Variants in CASK observed in about 807,000 individuals in gnomAD.
CASK encodes the protein peripheral plasma membrane protein CASK.
CASK carries 4 observed loss-of-function variants against 82.9 expected under a neutral mutation model. The ratio of observed to expected loss-of-function variants is 0.05; its 90% CI spans 0.02 to 0.11. The LOEUF (loss-of-function observed/expected upper bound fraction) is 0.11, where lower values mean the gene tolerates loss of function less well. Ranked by LOEUF, CASK falls within the 10% of genes least tolerant of loss-of-function variation. CASK has a pLI of 1.00. For missense variants in CASK, 358 were observed against 720.9 expected (o/e 0.50, Z 5.76); for synonymous variants, 259 against 253.5 (o/e 1.02, Z -0.20).
At chrX:41,902,221 T>C (rs2072396266) in intron 1 of CASK, among the ~76,000 whole-genome samples, 1 of 112,267 alleles carries the variant, frequency 8.9e-6, no homozygotes, top group Non-Finnish European at 1.9e-5. Context: ...CATAATTTCC[T>C]ACTACTGTTG....
chrX:41,654,600 G>A (rs1274808831), intron 8 of CASK, among the ~76,000 whole-genome samples: 1 of 111,421 alleles, frequency 9.0e-6, no homozygotes, highest in Non-Finnish European at 1.9e-5. Context: ...TTGAACCTGG[G>A]AGGCGGAGGT....
intron 2 of CASK, among the ~76,000 whole-genome samples, chrX:41,803,294 A>G (rs1449326612): frequency 8.9e-6 from 1 of 111,841 alleles, no homozygotes; most frequent in East Asian, 2.8e-4. Flanking sequence ...AATACATAAA[A>G]TAACAAGCAA....
At chrX:41,650,377 C>T (rs1380685392) in intron 8 of CASK, among the ~76,000 whole-genome samples, 1 of 111,027 alleles carries the variant, frequency 9.0e-6, no homozygotes, top group Non-Finnish European at 1.9e-5. Context: ...GCATGTTTTG[C>T]AGTGGCTGTG....
At chrX:41,583,349 G>A (rs1480343288) in intron 14 of CASK, among the ~76,000 whole-genome samples, 1 of 111,997 alleles carries the variant, frequency 8.9e-6, no homozygotes, top group Admixed American at 9.5e-5. Context: ...AAATCTGAAA[G>A]ATCTATTGGT....
intron 2 of CASK, among the ~76,000 whole-genome samples, chrX:41,798,710 C>T (rs1435454037): frequency 8.9e-6 from 1 of 112,494 alleles, no homozygotes; most frequent in East Asian, 2.8e-4. Flanking sequence ...TAGCACATGC[C>T]TGTAATCCCA....
chrX:41,829,370 T>C (rs2147921592), intron 2 of CASK, among the ~76,000 whole-genome samples: 1 of 109,692 alleles, frequency 9.1e-6, no homozygotes, highest in South Asian at 4.0e-4. Flanking sequence ...ATAAATGGAA[T>C]CATAGAGTTG....
intron 24 of CASK, among the ~76,000 whole-genome samples, chrX:41,531,947 A>T (rs1483469000): frequency 2.7e-5 from 3 of 111,199 alleles, no homozygotes; most frequent in African/African-American, 9.8e-5. Context: ...TTATTTTTTT[A>T]TTTTGGAGAC....
At chrX:41,631,642 A>AT (rs1052217967) in intron 9 of CASK, among the ~76,000 whole-genome samples, 14 of 108,291 alleles carry the variant, frequency 1.3e-4, no homozygotes, top group African/African-American at 4.7e-4. Context: ...CTAATTTTGT[A>AT]TTTTTTTTAG....
chrX:41,839,825 T>A (rs2070999831), intron 2 of CASK, among the ~76,000 whole-genome samples: 1 of 111,980 alleles, frequency 8.9e-6, no homozygotes, highest in Non-Finnish European at 1.9e-5. Flanking sequence ...GCACCACTTG[T>A]TGAGAAGACT....
In CASK at chrX:41,531,189, T is replaced by C; in HGVS notation, c.2338A>G (p.Lys780Glu). The C allele has an allele frequency of 8.3e-7, 1 of 1,209,877 alleles. No homozygotes were observed. Among genetic ancestry groups the C allele is most frequent in the Middle Eastern group, 2.3e-4 (1 of 4,347 alleles). ...TAATTCTTTCCATTTTCTTCGTCTT[T>C]CTTTGGAGGTCTGGTTGTATCTGCA... ...PIPHTTRPPK[K>E]DEENGKNYYF... The change falls in exon 25 of 27, where the codon AAA becomes GAA. Residue 780 changes from lysine (K) to glutamate (E), a missense_variant. Around this residue, in one of 5 missense-constraint regions of CASK, gnomAD observed 118 missense variants for 169.4 expected, o/e 0.70. Transcript: ENST00000378163.
At chrX:41,795,224 T>C (rs1305982040) in intron 2 of CASK, among the ~76,000 whole-genome samples, 1 of 112,522 alleles carries the variant, frequency 8.9e-6, no homozygotes, top group East Asian at 2.8e-4. Flanking sequence ...GATACTTATT[T>C]GAAAAAGGAC....
At chrX:41,820,658 AATTGTTT>A (rs2070516056) in intron 2 of CASK, among the ~76,000 whole-genome samples, 1 of 110,985 alleles carries the variant, frequency 9.0e-6, no homozygotes, top group Non-Finnish European at 1.9e-5. Context: ...ATTTACTCTA[AATTGTTT>A]ATGAAAATTT....
intron 2 of CASK, among the ~76,000 whole-genome samples, chrX:41,818,679 T>A (rs1569458791): frequency 9.0e-6 from 1 of 111,033 alleles, no homozygotes; most frequent in Non-Finnish European, 1.9e-5. Flanking sequence ...GACAGATCAA[T>A]AAGTCTATGA....
chrX:41,522,908 AAAGC>A (rs2064658612), intron 26 of CASK: 1 of 112,857 alleles, frequency 8.9e-6, no homozygotes, highest in Non-Finnish European at 1.9e-5. Flanking sequence ...TCTAACAGCA[AAAGC>A]AAGGATTTGT....
chrX:41,788,929 C>T (rs774826788), intron 2 of CASK, among the ~76,000 whole-genome samples: 6 of 111,348 alleles, frequency 5.4e-5, no homozygotes, highest in Non-Finnish European at 9.4e-5. Flanking sequence ...GTCCCAACCA[C>T]ACTGTGAGGT....
chrX:41,901,340 T>C (rs2072376228), intron 1 of CASK, among the ~76,000 whole-genome samples: 1 of 110,555 alleles, frequency 9.0e-6, no homozygotes. Context: ...CTGTTGGCAC[T>C]TGCCTGTGGT....
chrX:41,798,063 T>A (rs2069900133), intron 2 of CASK, among the ~76,000 whole-genome samples: 1 of 112,038 alleles, frequency 8.9e-6, no homozygotes, highest in Admixed American at 9.5e-5. Flanking sequence ...AAATTACACG[T>A]CCCCAAAAAA....
At chrX:41,558,629 C>A (rs2065188550) in intron 18 of CASK, 1 of 111,134 alleles carries the variant, frequency 9.0e-6, no homozygotes, top group Non-Finnish European at 1.9e-5. Context: ...TACTCTGAAT[C>A]CTGGAACAGA....
intron 16 of CASK, among the ~76,000 whole-genome samples, chrX:41,567,126 A>T (rs956305448): frequency 8.9e-6 from 1 of 112,533 alleles, no homozygotes; most frequent in African/African-American, 3.2e-5. Context: ...ACCTAAAACC[A>T]TAAAAACCCT....
Sources: gnomAD v4.1 joint callset for allele counts (sites outside exome capture counted in the v4.1 genomes callset) on GRCh38, gnomAD v4.1.1 for gene constraint, gnomAD v4.1.1 regional missense constraint, MANE v1.5 for transcripts, NCBI Gene and HGNC (gene_info 2026-07-23, HGNC 2026-07-21) for gene names.